COG7: variants seen among roughly 807,000 people sequenced by gnomAD.
COG7 encodes conserved oligomeric Golgi complex subunit 7.
COG7 carries 49 observed loss-of-function variants against 91.5 expected under a neutral mutation model. The observed-to-expected ratio is 0.54, with a 90% confidence interval of 0.43 to 0.68. The LOEUF (loss-of-function observed/expected upper bound fraction) is 0.68, where lower values mean the gene tolerates loss of function less well. COG7 is among the 30% of genes least tolerant of loss of function. COG7 has a pLI of 0.00. For synonymous variants in COG7, 365 were observed against 388.7 expected (o/e 0.94, Z 0.72); for missense variants, 895 against 961.3 (o/e 0.93, Z 0.91).
chr16:23,427,478 G>GAA (rs112138310), intron 6 of COG7, among the ~76,000 whole-genome samples: 9 of 134,744 alleles, frequency 6.7e-5, no homozygotes, highest in African/African-American at 1.6e-4. Flanking sequence ...TGTCTCAAAA[G>GAA]AAAAAAAAAA....
Position 23,417,090 on chromosome 16 carries a change from T to C in COG7, c.1169A>G (p.Glu390Gly), listed in dbSNP as rs746957648. 3.7e-6 allele frequency: 6 copies of C among 1,614,188 alleles called. No individual in the cohort carries two copies. Among genetic ancestry groups the C allele is most frequent in the Non-Finnish European group, 5.1e-6 (6 of 1,180,038 alleles). The part of the protein sequence containing the change: ...EHGEVIDCVQ[E>G]LSHSVNKLFG... ...CAGCTTGTTCACGGAGTGGCTCAGCTCCTGCACACAGTCAATCACTTCCCC... is the reference window on the plus strand; with the variant it reads ...CAGCTTGTTCACGGAGTGGCTCAGCCCCTGCACACAGTCAATCACTTCCCC... The change falls in exon 9 of 17, where the codon GAG (glutamate) becomes GGG (glycine). Residue 390 changes from glutamate (E) to glycine (G), a missense_variant. Coordinates refer to ENST00000307149, the MANE Select transcript of COG7 (RefSeq NM_153603.4).
intron 13 of COG7, among the ~76,000 whole-genome samples, chr16:23,400,370 T>G (rs1418615467): frequency 2.6e-5 from 4 of 152,060 alleles, no homozygotes; most frequent in African/African-American, 9.7e-5. Context: ...CCTTGGTGGT[T>G]TGTCGGCAAA....
intron 11 of COG7, among the ~76,000 whole-genome samples, chr16:23,407,053 C>T (rs928508409): frequency 1.3e-5 from 2 of 152,170 alleles, no homozygotes; most frequent in Non-Finnish European, 2.9e-5. Flanking sequence ...TAATTCCCTG[C>T]CTTCTCTTTT....
At chr16:23,442,776 C>A in intron 3 of COG7, 131 bp from the exon 4 acceptor site, 1 of 823,102 alleles carries the variant, frequency 1.2e-6, no homozygotes, top group Non-Finnish European at 2.1e-6. Context: ...TGGTTCATGC[C>A]TGTAATCCCA....
chr16:23,404,127 A>G (rs1963421871), intron 12 of COG7, among the ~76,000 whole-genome samples: 1 of 152,240 alleles, frequency 6.6e-6, no homozygotes, highest in Non-Finnish European at 1.5e-5. Context: ...CTCATGGACA[A>G]GCAGTTTAGG....
chr16:23,437,272 C>T (rs906902781), intron 4 of COG7, among the ~76,000 whole-genome samples: 1 of 152,234 alleles, frequency 6.6e-6, no homozygotes, highest in East Asian at 1.9e-4. Flanking sequence ...CTCCCAGAAG[C>T]CAGCTCACTC....
At chr16:23,431,620 C>T (rs961686044) in intron 6 of COG7, among the ~76,000 whole-genome samples, 1 of 149,664 alleles carries the variant, frequency 6.7e-6, no homozygotes, top group African/African-American at 2.5e-5. Flanking sequence ...ACCAGCCCAG[C>T]CAACATGGTG....
At chr16:23,413,161 T>TA (rs1388756007) in intron 10 of COG7, 7 of 368,626 alleles carry the variant, frequency 1.9e-5, no homozygotes, top group East Asian at 6.5e-5. Flanking sequence ...AAGGTGGGGG[T>TA]AAAAAATCTC....
intron 13 of COG7, 88 bp downstream of exon 13, chr16:23,403,606 T>A: frequency 6.5e-7 from 1 of 1,542,948 alleles, no homozygotes; most frequent in Non-Finnish European, 8.9e-7. Context: ...CCAAAGCTCT[T>A]GGAACAGGGA....
At chr16:23,418,150 C>T (rs1303299710) in intron 8 of COG7, among the ~76,000 whole-genome samples, 6 of 152,190 alleles carry the variant, frequency 3.9e-5, no homozygotes, top group African/African-American at 1.4e-4. Flanking sequence ...GGGAGATAAT[C>T]AACTTATCCC....
chr16:23,435,686 A>AT (rs1295514865), intron 4 of COG7, among the ~76,000 whole-genome samples: 2 of 152,190 alleles, frequency 1.3e-5, no homozygotes, highest in African/African-American at 4.8e-5. Flanking sequence ...GGGAAAAAAA[A>AT]GCCTTGAGCT....
In COG7 at chr16:23,452,916, C is replaced by A. The variant is rs751166322; in HGVS notation, c.79G>T (p.Glu27Ter). The A allele has an allele frequency of 1.2e-6, 2 of 1,614,000 alleles. No homozygotes were observed. The highest frequency in any genetic ancestry group is 1.7e-6 in the Non-Finnish European group (2 of 1,180,012). ...CCATCCGCCTTCCCGGACGCCGCCT[C>A]CTTGGAGCCGGCCCTGAAGGCCGCA... ...INAAFRAGSKEAASGKADGHA... is the reference protein window; with the variant it reads ...INAAFRAGSK Residue 27 changes from glutamate (E) to a stop codon, truncating the protein, a stop_gained, in exon 1 of 17, where the codon GAG becomes TAG. Transcript: ENST00000307149. LOFTEE classifies it high-confidence loss of function.
At chr16:23,398,923 C>T (rs117509969) in intron 13 of COG7, among the ~76,000 whole-genome samples, 203 of 152,328 alleles carry the variant, frequency 1.3e-3, no homozygotes, top group Non-Finnish European at 2.1e-3. Flanking sequence ...GGTAAAGGAC[C>T]TGTGCACATG....
chr16:23,392,104 T>C (rs779359447), intron 16 of COG7: 23 of 1,342,382 alleles, frequency 1.7e-5, no homozygotes, highest in Non-Finnish European at 2.2e-5. Context: ...GGGGCCAGGC[T>C]GCAGGACTCG....
At chr16:23,396,870 G>A (rs1268580180) in intron 14 of COG7, among the ~76,000 whole-genome samples, 1 of 152,054 alleles carries the variant, frequency 6.6e-6, no homozygotes, top group South Asian at 2.1e-4. Context: ...GCCTGCCAGA[G>A]GGACTGCCAT....
chr16:23,452,922 A>G lies in COG7; in HGVS notation c.73T>C (p.Ser25Pro). Residue 25 changes from serine (S) to proline (P), a missense_variant, in exon 1 of 17, where the codon TCC (serine) becomes CCC (proline). Physicochemically the swap from Ser to Pro is moderately conservative, Grantham distance 74. Transcript: ENST00000307149. ...EWINAAFRAGSKEAASGKADG... is the reference protein window; with the variant it reads ...EWINAAFRAGPKEAASGKADG... ...GCCTTCCCGGACGCCGCCTCCTTGG[A>G]GCCGGCCCTGAAGGCCGCATTGATC... The G allele has an allele frequency of 1.2e-6, 2 of 1,614,060 alleles. No homozygotes were observed. Among genetic ancestry groups the G allele is most frequent in the African/African-American group, 2.7e-5 (2 of 75,044 alleles).
chr16:23,422,062 C>A (rs1264969787), intron 7 of COG7, among the ~76,000 whole-genome samples: 1 of 152,020 alleles, frequency 6.6e-6, no homozygotes, highest in Non-Finnish European at 1.5e-5. Context: ...GTAATCCCAG[C>A]ACTTTGAGAG....
intron 16 of COG7, among the ~76,000 whole-genome samples, chr16:23,391,586 C>T (rs908353937): frequency 1.3e-5 from 2 of 152,220 alleles, no homozygotes; most frequent in African/African-American, 2.4e-5. Flanking sequence ...GAGCCTGGCT[C>T]AGCCCTGTGG....
chr16:23,438,414 T>C (rs1964045918), intron 4 of COG7, among the ~76,000 whole-genome samples: 1 of 152,030 alleles, frequency 6.6e-6, no homozygotes, highest in Admixed American at 6.6e-5. Context: ...AAAAATTAGC[T>C]GGGCGTGGTA....
Sources: allele counts gnomAD v4.1 joint callset (sites outside exome capture counted in the v4.1 genomes callset), GRCh38; gene constraint gnomAD v4.1.1; transcripts MANE v1.5; gene names NCBI Gene and HGNC (gene_info 2026-07-23, HGNC 2026-07-21).